Variants in SNX14 observed in about 807,000 individuals in gnomAD.
The protein encoded by SNX14 is sorting nexin-14.
Under a neutral mutation model 133.8 loss-of-function variants are expected in SNX14, and 93 were observed. The observed-to-expected ratio is 0.70, with a 90% CI of 0.59 to 0.83. SNX14 has a LOEUF of 0.83. SNX14 is among the 40% of genes least tolerant of loss of function. SNX14 has a pLI of 0.00. For missense variants in SNX14, 945 were observed against 1,094.9 expected, an observed-to-expected ratio of 0.86 and a Z score of 1.93; for synonymous variants, 368 against 365.6, an observed-to-expected ratio of 1.01 and a Z score of -0.07.
At chr6:85,576,452 G>A (rs1197114739) in intron 1 of SNX14, among the ~76,000 whole-genome samples, 2 of 152,146 alleles carry the variant, frequency 1.3e-5, no homozygotes, top group African/African-American at 4.8e-5. Context: ...CTGGTTCAGG[G>A]ATGGACACCA....
intron 7 of SNX14, among the ~76,000 whole-genome samples, chr6:85,550,584 G>A (rs904198772): frequency 1.3e-5 from 2 of 151,758 alleles, no homozygotes; most frequent in Middle Eastern, 3.4e-3. Context: ...CTGTAGCCTC[G>A]ACCTCCTTGG....
At chr6:85,512,820 T>C (rs2127788700) in intron 26 of SNX14, among the ~76,000 whole-genome samples, 1 of 152,220 alleles carries the variant, frequency 6.6e-6, no homozygotes, top group East Asian at 1.9e-4. Flanking sequence ...TCTCCAACCT[T>C]GGGGGGCAGT....
At chr6:85,546,264 A>G (rs1463089432) in intron 12 of SNX14, among the ~76,000 whole-genome samples, 1 of 152,236 alleles carries the variant, frequency 6.6e-6, no homozygotes, top group Admixed American at 6.5e-5. Flanking sequence ...GGATGTACAC[A>G]CATGCAAAAC....
rs558368739 is a variant in SNX14 at position 85,571,124 on chromosome 6, G to A, written c.417+1013C>T. Among the ~76,000 whole-genome samples the A allele has an allele frequency of 2.6e-5, 4 of 151,948 alleles. No individual in the cohort carries two copies. The South Asian group carries it at 8.3e-4, about 32-fold the overall frequency. ...ACCCAGCACTTTGGGAGGCCGACGT[G>A]GGTGGATCACGAGGTCAGGAGATCA... On this transcript the variant is annotated intron_variant, in intron 4 of 28. Coordinates refer to ENST00000314673, the MANE Select transcript of SNX14 (RefSeq NM_153816.6).
intron 6 of SNX14, among the ~76,000 whole-genome samples, chr6:85,563,331 T>C (rs1277004374): frequency 6.6e-6 from 1 of 152,204 alleles, no homozygotes; most frequent in Non-Finnish European, 1.5e-5. Context: ...ACAGACAATA[T>C]ACTACAAATA....
intron 14 of SNX14, among the ~76,000 whole-genome samples, chr6:85,542,811 G>T (rs1412812050): frequency 1.3e-5 from 2 of 152,116 alleles, no homozygotes; most frequent in East Asian, 3.8e-4. Flanking sequence ...TATGGCCCAG[G>T]CTTGAGTTGT....
At chr6:85,588,204 G>A (rs1389927112) in intron 1 of SNX14, among the ~76,000 whole-genome samples, 2 of 152,068 alleles carry the variant, frequency 1.3e-5, no homozygotes, top group Non-Finnish European at 2.9e-5. Context: ...GACTGCTTGA[G>A]CCCATGAGGT....
chr6:85,579,972 C>A lies in SNX14; in HGVS notation c.141-5594G>T, dbSNP rs574371116. Reference sequence around the variant, plus strand: ...CCTTCTATCTGGCGATCTTGTTCTGCCTCTCTCTCTCCTTATGGTTATTTT... The same window carrying A: ...CCTTCTATCTGGCGATCTTGTTCTGACTCTCTCTCTCCTTATGGTTATTTT... On this transcript the variant is annotated intron_variant, in intron 1 of 28. Coordinates refer to ENST00000314673, the MANE Select transcript of SNX14 (RefSeq NM_153816.6). Among the ~76,000 whole-genome samples, 178 of 152,138 alleles carry A rather than the reference C, an allele frequency of 1.2e-3. 2 individuals are homozygous for A. Among genetic ancestry groups the A allele is most frequent in the African/African-American group, 3.9e-3 (163 of 41,526 alleles).
intron 26 of SNX14, among the ~76,000 whole-genome samples, chr6:85,511,157 A>C (rs1226953328): frequency 6.6e-6 from 1 of 151,350 alleles, no homozygotes; most frequent in Non-Finnish European, 1.5e-5. Flanking sequence ...CTACCCAAGT[A>C]TTCCACTTTT....
Position 85,533,784 on chromosome 6 carries a change from A to G in SNX14, c.1625T>C (p.Val542Ala). The G allele has an allele frequency of 6.2e-7, 1 of 1,612,326 alleles. No homozygotes were observed. Among genetic ancestry groups the G allele is most frequent in the Non-Finnish European group, 8.5e-7 (1 of 1,179,706 alleles). Residue 542 changes from valine to alanine, a missense_variant, in exon 18 of 29, where the codon GTT becomes GCT. Transcript: ENST00000314673. ...CACTGGAGAATCATCTTCCATTACA[A>G]CAATACCTTCTTCAATCTGGAAAAA... ...GEDDFIEEGIVVMEDDSPVEA... is the reference protein window; with the variant it reads ...GEDDFIEEGIAVMEDDSPVEA...
At chr6:85,556,425 T>G (rs1234700922) in intron 7 of SNX14, among the ~76,000 whole-genome samples, 1 of 150,190 alleles carries the variant, frequency 6.7e-6, no homozygotes, top group African/African-American at 2.4e-5. Context: ...GTTTTTAATT[T>G]AAAAAGAAAA....
At chr6:85,588,420 A>G (rs1159417992) in intron 1 of SNX14, among the ~76,000 whole-genome samples, 1 of 151,842 alleles carries the variant, frequency 6.6e-6, no homozygotes, top group African/African-American at 2.4e-5. Context: ...AAAAATACAA[A>G]AAAAAAATTA....
At chr6:85,544,588 C>T (rs149527488) in intron 12 of SNX14, among the ~76,000 whole-genome samples, 12,442 of 152,082 alleles carry the variant, frequency 0.082, 574 homozygotes, top group Admixed American at 0.1. Context: ...CGCTTGAGCC[C>T]AGGAGTTCAA....
At chr6:85,589,008 C>T (rs1000220712) in intron 1 of SNX14, 2 of 414,496 alleles carry the variant, frequency 4.8e-6, no homozygotes, top group South Asian at 1.8e-5. Flanking sequence ...CAGGCACACT[C>T]GACTTTATAG....
intron 1 of SNX14, among the ~76,000 whole-genome samples, chr6:85,578,861 C>A (rs900400986): frequency 1.3e-5 from 2 of 152,044 alleles, no homozygotes; most frequent in Non-Finnish European, 2.9e-5. Flanking sequence ...GGTAGCCGGG[C>A]GCAGTGGGTC....
Position 85,547,319 on chromosome 6 carries a change from A to G in SNX14, c.991T>C (p.Ser331Pro). The change falls in exon 11 of 29, where the codon TCT becomes CCT. Residue 331 changes from serine (S) to proline (P), a missense_variant and splice_region_variant. By Grantham distance (74) the Ser-to-Pro change is moderately conservative. Transcript: ENST00000314673. ...GTGTTATTGCTGAAAATTCTTACAGATGGCTTTTTATTTCTAGGTTCTGCA... is the reference window on the plus strand; with the variant it reads ...GTGTTATTGCTGAAAATTCTTACAGGTGGCTTTTTATTTCTAGGTTCTGCA... ...KFAEPRNKKPSVLKLELKQIR... is the reference protein window; with the variant it reads ...KFAEPRNKKPPVLKLELKQIR... 1 of 1,613,418 alleles carries G rather than the reference A, an allele frequency of 6.2e-7. No homozygotes were observed. The highest frequency in any genetic ancestry group is 8.5e-7 in the Non-Finnish European group (1 of 1,179,892).
chr6:85,508,074 C>A lies in SNX14; in HGVS notation c.2654-15G>T. Reference sequence around the variant, plus strand: ...GACTAACAGATCTAAACAAAAAGGCCAAATGTGAAATAATTTTATATTATA... The same window carrying A: ...GACTAACAGATCTAAACAAAAAGGCAAAATGTGAAATAATTTTATATTATA... On this transcript the variant is annotated splice_polypyrimidine_tract_variant and intron_variant, in intron 26 of 28. Transcript: ENST00000314673. 6.2e-7 allele frequency: 1 copy of A among 1,608,740 alleles called. No individual in the cohort carries two copies. The highest frequency in any genetic ancestry group is 1.3e-5 in the African/African-American group (1 of 74,762).
At chr6:85,529,821 CA>C (rs200623706) in intron 19 of SNX14, among the ~76,000 whole-genome samples, 2 of 149,224 alleles carry the variant, frequency 1.3e-5, no homozygotes, top group Admixed American at 6.7e-5. Context: ...AAGCTAAATA[CA>C]AAAAAAAATA....
At chr6:85,539,970 A>ATTTTATTTTATTTTATTTTATTTTG (rs1783132225) in intron 15 of SNX14, among the ~76,000 whole-genome samples, 1 of 150,936 alleles carries the variant, frequency 6.6e-6, no homozygotes, top group African/African-American at 2.4e-5. Flanking sequence ...ATTTTATTTT[A>ATTTTATTTTATTTTATTTTATTTTG]TTTTATTTTA....
Sources: allele counts gnomAD v4.1 joint callset (sites outside exome capture counted in the v4.1 genomes callset), GRCh38; gene constraint gnomAD v4.1.1; transcripts MANE v1.5; gene names NCBI Gene and HGNC (gene_info 2026-07-23, HGNC 2026-07-21).